CFAP44: variants seen among roughly 807,000 people sequenced by gnomAD.
The protein encoded by CFAP44 is cilia- and flagella-associated protein 44.
In CFAP44, 134 loss-of-function variants were observed where a neutral mutation model predicts 216.2. The observed-to-expected ratio is 0.62, with a 90% confidence interval of 0.54 to 0.72. The LOEUF (loss-of-function observed/expected upper bound fraction) is 0.72, where lower values mean the gene tolerates loss of function less well. CFAP44 is among the 30% of genes least tolerant of loss of function. The pLI, the probability that CFAP44 is intolerant of heterozygous loss-of-function variation, is 0.00. For synonymous variants in CFAP44, 700 were observed against 727.6 expected, an observed-to-expected ratio of 0.96 and a Z score of 0.61; for missense variants, 2,035 against 2,182.1, an observed-to-expected ratio of 0.93 and a Z score of 1.34.
chr3:113,304,283 G>A, intron 31 of CFAP44, 166 bp from the exon 32 acceptor site: 1 of 656,262 alleles, frequency 1.5e-6, no homozygotes, highest in South Asian at 2.1e-5. Context: ...AACACAGAAA[G>A]ATGCTGTCAG....
chr3:113,304,676 T>C (rs912610345), intron 31 of CFAP44, among the ~76,000 whole-genome samples: 7 of 152,210 alleles, frequency 4.6e-5, no homozygotes, highest in Non-Finnish European at 8.8e-5. Flanking sequence ...GCAAAGGTCA[T>C]TTTAGCATGA....
chr3:113,342,068 C>T, intron 23 of CFAP44, 150 bp from the exon 24 acceptor site: 1 of 1,010,150 alleles, frequency 9.9e-7, no homozygotes, highest in Non-Finnish European at 1.4e-6. Flanking sequence ...TGTGGTGGCT[C>T]TTGCCTGTAA....
intron 16 of CFAP44, 66 bp from the exon 17 acceptor site, chr3:113,379,617 G>T: frequency 1.6e-6 from 2 of 1,267,424 alleles, no homozygotes; most frequent in Non-Finnish European, 2.1e-6. Context: ...TACACCATTA[G>T]GGATGACAAT....
intron 7 of CFAP44, 116 bp from the exon 8 acceptor site, chr3:113,407,157 C>G (rs919739797): frequency 1.4e-5 from 11 of 790,140 alleles, no homozygotes; most frequent in Non-Finnish European, 2.1e-5. Context: ...TTCATTCATT[C>G]ATTTATCTGA....
intron 14 of CFAP44, 51 bp from the exon 15 acceptor site, chr3:113,395,911 C>A: frequency 7.3e-7 from 1 of 1,366,946 alleles, no homozygotes; most frequent in Non-Finnish European, 1.0e-6. Flanking sequence ...TGAAATCTAG[C>A]CTATAGATCA....
intron 22 of CFAP44, among the ~76,000 whole-genome samples, chr3:113,348,603 C>T (rs939561778): frequency 6.6e-5 from 10 of 152,206 alleles, no homozygotes; most frequent in Non-Finnish European, 1.5e-4. Flanking sequence ...AGCCCCCCTT[C>T]CTATTAATGA....
chr3:113,322,074 A>C lies in CFAP44; in HGVS notation c.4516+4371T>G, dbSNP rs149882274. Among the ~76,000 whole-genome samples the C allele has an allele frequency of 2.0e-5, 3 of 152,368 alleles. No individual in the cohort carries two copies. In the East Asian group the frequency reaches 5.8e-4, roughly 29 times the overall value. Reference sequence around the variant, plus strand: ...GAGCCCAAATAGCCAATGCAATCCTAAAGATAATCCACAAAGCTGGAGGCA... The same window carrying C: ...GAGCCCAAATAGCCAATGCAATCCTCAAGATAATCCACAAAGCTGGAGGCA... On this transcript the variant is annotated intron_variant, in intron 28 of 34. Coordinates refer to ENST00000393845, the MANE Select transcript of CFAP44 (RefSeq NM_001164496.2).
chr3:113,322,764 C>T (rs922577062), intron 28 of CFAP44, among the ~76,000 whole-genome samples: 3 of 152,092 alleles, frequency 2.0e-5, no homozygotes, highest in Non-Finnish European at 4.4e-5. Flanking sequence ...ATCATTATAC[C>T]AAAAAGACAT....
At chr3:113,394,586 T>A (rs1177280308) in intron 15 of CFAP44, among the ~76,000 whole-genome samples, 1 of 152,200 alleles carries the variant, frequency 6.6e-6, no homozygotes, top group Non-Finnish European at 1.5e-5. Flanking sequence ...TCTTGATAGT[T>A]CCCTGCTCTA....
At chr3:113,386,716 C>A (rs1428273773) in intron 15 of CFAP44, among the ~76,000 whole-genome samples, 3 of 152,164 alleles carry the variant, frequency 2.0e-5, no homozygotes, top group Admixed American at 1.3e-4. Flanking sequence ...TACACACACA[C>A]AAAAACACCT....
At chr3:113,302,359 C>G (rs149610951) in intron 32 of CFAP44, among the ~76,000 whole-genome samples, 3 of 148,540 alleles carry the variant, frequency 2.0e-5, no homozygotes, top group African/African-American at 7.5e-5. Context: ...GACACACACA[C>G]ATACACATAG....
At chr3:113,425,030 C>G (rs1353165894) in intron 4 of CFAP44, among the ~76,000 whole-genome samples, 1 of 152,024 alleles carries the variant, frequency 6.6e-6, no homozygotes, top group African/African-American at 2.4e-5. Context: ...CTCTAATATA[C>G]CACCCCATCC....
intron 6 of CFAP44, among the ~76,000 whole-genome samples, chr3:113,413,549 A>C (rs1449505771): frequency 6.6e-6 from 1 of 152,142 alleles, no homozygotes; most frequent in African/African-American, 2.4e-5. Context: ...TTTTTGTATA[A>C]GGTGTAAGGA....
At chr3:113,337,145 T>C (rs962754144) in intron 24 of CFAP44, among the ~76,000 whole-genome samples, 5 of 151,000 alleles carry the variant, frequency 3.3e-5, no homozygotes, top group Admixed American at 2.0e-4. Context: ...AAATCAATTA[T>C]ATTTCTATGC....
In CFAP44 at chr3:113,395,958, T is replaced by A. The variant is rs138667245; in HGVS notation, c.1780-98A>T. On this transcript the variant is annotated intron_variant, in intron 14 of 34. Coordinates refer to ENST00000393845, the MANE Select transcript of CFAP44 (RefSeq NM_001164496.2). ...GTAATAACATAACGCTATCTCTATC[T>A]ACAATGGTCATATATCCCAGATTAT... The A allele has an allele frequency of 3.2e-4, 254 of 790,338 alleles. No homozygotes were observed. In the Middle Eastern group the frequency reaches 4.0e-3, roughly 13 times the overall value. The allele number at this position is 790,338 out of a possible 1,614,324, so 49.0% of individuals were successfully genotyped here. A position where few individuals can be genotyped will look rare whatever the true frequency, so the allele number is the denominator to read the frequency against.
At chr3:113,423,865 A>C (rs563616151) in intron 4 of CFAP44, among the ~76,000 whole-genome samples, 154 of 152,342 alleles carry the variant, frequency 1.0e-3, no homozygotes, top group African/African-American at 3.5e-3. Flanking sequence ...TTATGGACTG[A>C]AAAAGGAAAG....
Position 113,380,892 on chromosome 3 carries a change from T to C in CFAP44, c.2052+7A>G. On this transcript the variant is annotated splice_region_variant and intron_variant, in intron 16 of 34. Coordinates refer to ENST00000393845, the MANE Select transcript of CFAP44 (RefSeq NM_001164496.2). ...TTATAAGATAATGCTTCAGGAATAT[T>C]CCATACCAGAATCTTAGATTTGACA... 6.4e-7 allele frequency: 1 copy of C among 1,565,008 alleles called. No individual in the cohort carries two copies. The highest frequency in any genetic ancestry group is 1.2e-5 in the South Asian group (1 of 80,436).
intron 18 of CFAP44, 151 bp from the exon 19 acceptor site, chr3:113,366,460 A>C: frequency 1.2e-6 from 1 of 839,238 alleles, no homozygotes; most frequent in South Asian, 1.9e-5. Context: ...CCTAACCCCT[A>C]ATACTTCAGA....
intron 22 of CFAP44, among the ~76,000 whole-genome samples, chr3:113,358,464 A>C (rs1031247517): frequency 4.6e-5 from 7 of 152,122 alleles, no homozygotes; most frequent in African/African-American, 1.7e-4. Flanking sequence ...TCATTAATTA[A>C]TTTGATATAA....
Sources: allele counts gnomAD v4.1 joint callset (sites outside exome capture counted in the v4.1 genomes callset), GRCh38; gene constraint gnomAD v4.1.1; transcripts MANE v1.5; gene names NCBI Gene and HGNC (gene_info 2026-07-23, HGNC 2026-07-21).